Variants in CTNNA2 observed in about 807,000 individuals in gnomAD.
CTNNA2 encodes the protein catenin alpha 2.
A neutral mutation model predicts 101.0 loss-of-function variants in CTNNA2; 42 were observed. That is an observed-to-expected ratio of 0.42 (90% CI 0.32 to 0.54). CTNNA2 has a LOEUF of 0.54. Among genes scored for constraint, CTNNA2 ranks in the 20% least tolerant of loss-of-function variants. The probability of loss-of-function intolerance (pLI) is 0.14; values close to 1 mark genes in which losing one functional copy is unlikely to be tolerated. For missense variants in CTNNA2, 871 were observed against 1,223.1 expected (o/e 0.71, Z 4.29); for synonymous variants, 450 against 456.4 (o/e 0.99, Z 0.18).
intron 15 of CTNNA2, among the ~76,000 whole-genome samples, chr2:80,600,157 G>T (rs928884250): frequency 1.3e-5 from 2 of 151,846 alleles, no homozygotes; most frequent in African/African-American, 4.8e-5. Flanking sequence ...ATTGGTTACT[G>T]GTTGGAAAAA....
chr2:79,844,979 T>TACACACACACACACACACACACACACAC (rs59885288), intron 3 of CTNNA2, among the ~76,000 whole-genome samples: 12 of 140,298 alleles, frequency 8.6e-5, no homozygotes, highest in Admixed American at 4.4e-4. Context: ...GAAAACAAAC[T>TACACACACACACACACACACACACACAC]ACACACACAC....
chr2:80,622,880 G>C (rs930707066), intron 18 of CTNNA2, among the ~76,000 whole-genome samples: 2 of 151,516 alleles, frequency 1.3e-5, no homozygotes, highest in Non-Finnish European at 2.9e-5. Context: ...ACTCAGTTTA[G>C]ATCACCCAGT....
At chr2:80,582,760 T>G (rs1174920439) in intron 14 of CTNNA2, among the ~76,000 whole-genome samples, 1 of 152,018 alleles carries the variant, frequency 6.6e-6, no homozygotes, top group Middle Eastern at 3.2e-3. Context: ...TAAAAGATAA[T>G]GAATAGAAAG....
At chr2:80,216,884 C>G (rs1708299090) in intron 7 of CTNNA2, among the ~76,000 whole-genome samples, 1 of 147,536 alleles carries the variant, frequency 6.8e-6, no homozygotes, top group African/African-American at 2.5e-5. Flanking sequence ...GTCACCCAGG[C>G]TGTAGTGCAG....
intron 7 of CTNNA2, among the ~76,000 whole-genome samples, chr2:79,932,602 A>G (rs1223957813): frequency 6.6e-6 from 1 of 152,116 alleles, no homozygotes; most frequent in Non-Finnish European, 1.5e-5. Context: ...TGTGTACACC[A>G]TGAACTACTC....
At position 80,538,699 on chromosome 2, in the gene CTNNA2, G is replaced by A. The variant is rs558803288; in HGVS notation, c.1291-6283G>A. Among the ~76,000 whole-genome samples the A allele has an allele frequency of 3.9e-5, 6 of 152,222 alleles. 2 individuals carry two copies. The highest frequency in any genetic ancestry group is 1.4e-4 in the African/African-American group (6 of 41,538). ...GTTCTTTTTGCTTAGGATTGTCTTGGCTATACAGGCTCTTTTTTGTTTCCA... is the reference window on the plus strand; with the variant it reads ...GTTCTTTTTGCTTAGGATTGTCTTGACTATACAGGCTCTTTTTTGTTTCCA... On this transcript the variant is annotated intron_variant, in intron 9 of 18. Transcript: ENST00000402739.
chr2:80,280,068 T>C lies in CTNNA2; in HGVS notation c.1057-113143T>C, dbSNP rs138769497. On this transcript the variant is annotated intron_variant, in intron 7 of 18. Coordinates refer to ENST00000402739, the MANE Select transcript of CTNNA2 (RefSeq NM_001282597.3). The stretch of plus-strand genomic sequence containing the variant: ...ATGCTAAGGTCAGGGCCTCCGTCCT[T>C]GTATGACTTCAAGTAATATTTGTTT... Among the ~76,000 whole-genome samples, 145 of 151,972 alleles carry C rather than the reference T, an allele frequency of 9.5e-4. 4 individuals are homozygous for C. The East Asian group carries it at 0.028, about 29-fold the overall frequency.
At chr2:79,325,605 A>G (rs1451591358) in intron 3 of CTNNA2, among the ~76,000 whole-genome samples, 2 of 152,214 alleles carry the variant, frequency 1.3e-5, no homozygotes, top group Non-Finnish European at 2.9e-5. Context: ...TTGTGAAATG[A>G]TAGCAATGGA....
At chr2:79,657,541 C>A (rs1205994566) in intron 2 of CTNNA2, among the ~76,000 whole-genome samples, 1 of 151,600 alleles carries the variant, frequency 6.6e-6, no homozygotes, top group Non-Finnish European at 1.5e-5. Context: ...TGATTCCAAC[C>A]ATAGAAAAAT....
At chr2:79,872,804 G>C (rs1574190518) in intron 5 of CTNNA2, among the ~76,000 whole-genome samples, 3 of 152,194 alleles carry the variant, frequency 2.0e-5, no homozygotes, top group Admixed American at 2.0e-4. Context: ...AGGAAGAGAA[G>C]CCCAGTGGTT....
intron 9 of CTNNA2, among the ~76,000 whole-genome samples, chr2:80,476,015 C>G (rs1685701353): frequency 2.0e-5 from 3 of 152,160 alleles, no homozygotes; most frequent in Non-Finnish European, 4.4e-5. Context: ...TCTCAAGGTT[C>G]ACCCAGTCAC....
chr2:80,562,853 G>C (rs1436486891), intron 12 of CTNNA2, among the ~76,000 whole-genome samples: 3 of 152,058 alleles, frequency 2.0e-5, no homozygotes, highest in Admixed American at 2.0e-4. Context: ...TTCAAAAAAG[G>C]TAAATTATAT....
chr2:79,749,469 C>G (rs1371563523), intron 3 of CTNNA2, among the ~76,000 whole-genome samples: 1 of 152,124 alleles, frequency 6.6e-6, no homozygotes, highest in Non-Finnish European at 1.5e-5. Flanking sequence ...TTCTCCCTTC[C>G]TATCTGTTCA....
At chr2:79,601,614 C>G (rs1027823970) in intron 1 of CTNNA2, among the ~76,000 whole-genome samples, 1 of 152,200 alleles carries the variant, frequency 6.6e-6, no homozygotes, top group Non-Finnish European at 1.5e-5. Flanking sequence ...ACAGCATTTA[C>G]TAGTACAAAT....
At chr2:79,371,134 C>A (rs1248706240) in intron 3 of CTNNA2, among the ~76,000 whole-genome samples, 1 of 92,056 alleles carries the variant, frequency 1.1e-5, no homozygotes, top group Non-Finnish European at 2.3e-5. Flanking sequence ...TTCTGGCAAG[C>A]CTGGGGAAGA....
intron 6 of CTNNA2, among the ~76,000 whole-genome samples, chr2:79,879,394 A>G (rs1205046982): frequency 2.6e-5 from 4 of 152,082 alleles, no homozygotes; most frequent in Admixed American, 2.6e-4. Context: ...CATTTATTCT[A>G]TAAATTACTC....
At chr2:79,747,853 C>T (rs1041352572) in intron 3 of CTNNA2, among the ~76,000 whole-genome samples, 2 of 152,150 alleles carry the variant, frequency 1.3e-5, no homozygotes, top group East Asian at 1.9e-4. Context: ...ATGTTGTCTA[C>T]GTGTAACCTG....
intron 2 of CTNNA2, among the ~76,000 whole-genome samples, chr2:79,200,377 C>A (rs1336135058): frequency 7.1e-6 from 1 of 141,770 alleles, no homozygotes; most frequent in East Asian, 2.0e-4. Context: ...GAGAGAGACT[C>A]CGTCTCAAAA....
intron 6 of CTNNA2, among the ~76,000 whole-genome samples, chr2:79,897,082 C>T (rs1295850937): frequency 6.6e-6 from 1 of 152,102 alleles, no homozygotes; most frequent in Non-Finnish European, 1.5e-5. Flanking sequence ...AATGACATCT[C>T]AATTCAAGGG....
Sources: gnomAD v4.1 joint callset for allele counts (sites outside exome capture counted in the v4.1 genomes callset) on GRCh38, gnomAD v4.1.1 for gene constraint, MANE v1.5 for transcripts, NCBI Gene and HGNC (gene_info 2026-07-23, HGNC 2026-07-21) for gene names.